Variants in TRAF3IP3 observed in about 807,000 individuals in gnomAD.
TRAF3IP3 encodes the protein TRAF3-interacting JNK-activating modulator.
In TRAF3IP3, 64 loss-of-function variants were observed where a neutral mutation model predicts 86.5. The observed-to-expected ratio is 0.74, with a 90% confidence interval of 0.60 to 0.91. TRAF3IP3 has a LOEUF of 0.91. Among genes scored for constraint, TRAF3IP3 ranks in the 40% least tolerant of loss-of-function variants. The pLI is 0.00. For missense variants in TRAF3IP3, 579 were observed against 642.9 expected, an observed-to-expected ratio of 0.90 and a Z score of 1.07; for synonymous variants, 220 against 243.9, an observed-to-expected ratio of 0.90 and a Z score of 0.91.
At chr1:209,764,916 G>A (rs2077313406) in intron 8 of TRAF3IP3, among the ~76,000 whole-genome samples, 1 of 151,508 alleles carries the variant, frequency 6.6e-6, no homozygotes, top group Non-Finnish European at 1.5e-5. Flanking sequence ...CATCATGTCT[G>A]TAAATCCCAG....
At chr1:209,760,781 C>T (rs2077232428) in intron 3 of TRAF3IP3, among the ~76,000 whole-genome samples, 1 of 151,934 alleles carries the variant, frequency 6.6e-6, no homozygotes, top group Non-Finnish European at 1.5e-5. Context: ...AAAAACTTTA[C>T]AAACTAACCA....
chr1:209,778,376 CTG>C, intron 13 of TRAF3IP3: 1 of 505,722 alleles, frequency 2.0e-6, no homozygotes, highest in African/African-American at 2.0e-5. Flanking sequence ...TTTTTTTCTA[CTG>C]TTCTCCTTCC....
At chr1:209,758,205 T>G (rs1017878429) in intron 1 of TRAF3IP3, among the ~76,000 whole-genome samples, 8 of 152,066 alleles carry the variant, frequency 5.3e-5, no homozygotes, top group Non-Finnish European at 1.2e-4. Flanking sequence ...AGGGAAGAAG[T>G]CAAGGGACCA....
chr1:209,767,611 G>C lies in TRAF3IP3; in HGVS notation c.702+4024G>C, dbSNP rs143676025. Among the ~76,000 whole-genome samples the C allele has an allele frequency of 4.5e-3, 686 of 151,858 alleles. 4 individuals are homozygous for C. The highest frequency in any genetic ancestry group is 0.016 in the African/African-American group (661 of 41,372). ...AGGCTGAGGCAGGAGGATCGCTTGAGCCCAGGAGGTCCAGGCTGCACCACT... is the reference window on the plus strand; with the variant it reads ...AGGCTGAGGCAGGAGGATCGCTTGACCCCAGGAGGTCCAGGCTGCACCACT... On this transcript the variant is annotated intron_variant, in intron 8 of 16. Coordinates refer to ENST00000367025, the MANE Select transcript of TRAF3IP3 (RefSeq NM_025228.4).
chr1:209,775,485 C>T lies in TRAF3IP3; in HGVS notation c.911C>T (p.Thr304Ile). Reference protein sequence around the residue: ...KMNAEQQLQSTQRSLALAEQK... With the variant: ...KMNAEQQLQSIQRSLALAEQK... ...AATGCAGAGCAGCAACTACAGAGCA[C>T]ACAGGTATGGGGATGCCACATAGAC... The change falls in exon 10 of 17, where the codon ACA (threonine) becomes ATA (isoleucine). Residue 304 changes from threonine to isoleucine, a missense_variant. Coordinates refer to ENST00000367025, the MANE Select transcript of TRAF3IP3 (RefSeq NM_025228.4). 1 of 1,614,210 alleles carries T rather than the reference C, an allele frequency of 6.2e-7. No individual in the cohort carries two copies. Among genetic ancestry groups the T allele is most frequent in the Non-Finnish European group, 8.5e-7 (1 of 1,180,050 alleles).
intron 8 of TRAF3IP3, 56 bp downstream of exon 8, chr1:209,763,643 C>T: frequency 7.0e-7 from 1 of 1,419,258 alleles, no homozygotes; most frequent in East Asian, 2.3e-5. Context: ...GTTCCCATCT[C>T]ATTTTTCTTT....
chr1:209,757,102 T>C (rs1189230489), intron 1 of TRAF3IP3, among the ~76,000 whole-genome samples: 3 of 152,212 alleles, frequency 2.0e-5, no homozygotes, highest in Non-Finnish European at 4.4e-5. Flanking sequence ...TGGGTAGGGT[T>C]CTATGCAGCA....
intron 9 of TRAF3IP3, among the ~76,000 whole-genome samples, chr1:209,773,230 T>C (rs1181830124): frequency 6.6e-6 from 1 of 152,216 alleles, no homozygotes; most frequent in East Asian, 1.9e-4. Context: ...TTTCTCCCAG[T>C]ATCCTTCTCT....
chr1:209,763,737 C>T lies in TRAF3IP3; in HGVS notation c.702+150C>T, dbSNP rs115983860. The T allele has an allele frequency of 9.0e-4, 609 of 674,938 alleles. 5 individuals carry two copies. In the African/African-American group the frequency reaches 9.4e-3, roughly 10 times the overall value. The allele number at this position is 674,938 out of a possible 1,614,324, so 41.8% of individuals were successfully genotyped here. A position where few individuals can be genotyped will look rare whatever the true frequency, so the allele number is the denominator to read the frequency against. ...GGCAGGAGATGAGGGGGATGGTGCT[C>T]AGACCTAGAAGTCAAACAGGTCACA... On this transcript the variant is annotated intron_variant, in intron 8 of 16. Coordinates refer to ENST00000367025, the MANE Select transcript of TRAF3IP3 (RefSeq NM_025228.4).
chr1:209,773,536 G>C (rs539949860), intron 9 of TRAF3IP3, among the ~76,000 whole-genome samples: 1 of 152,226 alleles, frequency 6.6e-6, no homozygotes, highest in South Asian at 2.1e-4. Context: ...CTCTTGATTG[G>C]CCTAATCTTG....
chr1:209,782,010 C>A, intron 16 of TRAF3IP3, 46 bp from the exon 17 acceptor site: 1 of 1,498,930 alleles, frequency 6.7e-7, no homozygotes, highest in Non-Finnish European at 9.3e-7. Flanking sequence ...ATATCTTTTC[C>A]AATCCACTCA....
intron 8 of TRAF3IP3, among the ~76,000 whole-genome samples, chr1:209,766,851 A>G (rs1305078242): frequency 1.3e-5 from 2 of 152,242 alleles, no homozygotes; most frequent in Non-Finnish European, 2.9e-5. Flanking sequence ...GTGACGGAGC[A>G]AGATTCTGTC....
chr1:209,762,724 G>T, intron 4 of TRAF3IP3, 62 bp downstream of exon 4: 2 of 1,169,474 alleles, frequency 1.7e-6, no homozygotes, highest in Non-Finnish European at 2.2e-6. Flanking sequence ...AACTGTCCCA[G>T]CTCACTGGCA....
In TRAF3IP3 at chr1:209,772,933, T is replaced by G; in HGVS notation, c.703-15T>G. 6.2e-7 allele frequency: 1 copy of G among 1,613,124 alleles called. No homozygotes were observed. The highest frequency in any genetic ancestry group is 1.1e-5 in the South Asian group (1 of 90,868). ...ATTTTGCCCCAAGCTCATTAACTCA[T>G]CCCATTTGCTCCAGGGACAGCTTAA... On this transcript the variant is annotated splice_polypyrimidine_tract_variant and intron_variant, in intron 8 of 16. Coordinates refer to ENST00000367025, the MANE Select transcript of TRAF3IP3 (RefSeq NM_025228.4).
Position 209,775,695 on chromosome 1 carries a change from G to A in TRAF3IP3, c.1012G>A (p.Glu338Lys). ...DWRTLGTQHR[E>K]LESQLHVLQS... ...GAGGACCCTTGGGACCCAGCACAGGGAGCTGGAGAGCCAACTCCACGTGCT... is the reference window on the plus strand; with the variant it reads ...GAGGACCCTTGGGACCCAGCACAGGAAGCTGGAGAGCCAACTCCACGTGCT... Residue 338 changes from glutamate to lysine, a missense_variant, in exon 11 of 17, where the codon GAG (glutamate) becomes AAG (lysine). Coordinates refer to ENST00000367025, the MANE Select transcript of TRAF3IP3 (RefSeq NM_025228.4). 1 of 1,613,916 alleles carries A rather than the reference G, an allele frequency of 6.2e-7. No individual in the cohort carries two copies.
At chr1:209,779,268 T>G in intron 13 of TRAF3IP3, 47 bp from the exon 14 acceptor site, 1 of 1,550,352 alleles carries the variant, frequency 6.5e-7, no homozygotes, top group Non-Finnish European at 8.9e-7. Flanking sequence ...GAAAACTTTT[T>G]GTAGTAAATA....
At chr1:209,781,189 C>G (rs2077770715) in intron 15 of TRAF3IP3, 156 bp from the exon 16 acceptor site, 1 of 529,838 alleles carries the variant, frequency 1.9e-6, no homozygotes, top group Admixed American at 3.3e-5. Context: ...CAATGTAAGA[C>G]AGTCAAAAGA....
In TRAF3IP3 at chr1:209,780,608, T is replaced by A. The variant is rs2077755681; in HGVS notation, c.1449+2T>A. 1 of 1,577,998 alleles carries A rather than the reference T, an allele frequency of 6.3e-7. No individual in the cohort carries two copies. Among genetic ancestry groups the A allele is most frequent in the African/African-American group, 1.4e-5 (1 of 73,194 alleles). Reference sequence around the variant, plus strand: ...CAGCTCCAGGCCAAGGAAAAGGAGGTGAGAGGGTGACCTGAGATAGTGAGG... The same window carrying A: ...CAGCTCCAGGCCAAGGAAAAGGAGGAGAGAGGGTGACCTGAGATAGTGAGG... On this transcript the variant is annotated splice_donor_variant, in intron 15 of 16. Transcript: ENST00000367025. LOFTEE classifies it high-confidence loss of function.
At chr1:209,768,730 G>A (rs1185409837) in intron 8 of TRAF3IP3, 18 of 979,528 alleles carry the variant, frequency 1.8e-5, no homozygotes, top group Non-Finnish European at 2.2e-5. Context: ...TCGGCTCCCG[G>A]GGTCTAACTG....
Sources: gnomAD v4.1 joint callset for allele counts (sites outside exome capture counted in the v4.1 genomes callset) on GRCh38, gnomAD v4.1.1 for gene constraint, MANE v1.5 for transcripts, NCBI Gene and HGNC (gene_info 2026-07-23, HGNC 2026-07-21) for gene names.